Variants in IGF1R observed in about 807,000 individuals in gnomAD.
The protein encoded by IGF1R is insulin-like growth factor 1 receptor.
Under a neutral mutation model 144.6 loss-of-function variants are expected in IGF1R, and 44 were observed. The ratio of observed to expected loss-of-function variants is 0.30; its 90% CI spans 0.24 to 0.39. The LOEUF (loss-of-function observed/expected upper bound fraction) is 0.39. IGF1R is among the 10% of genes least tolerant of loss of function. The probability of loss-of-function intolerance (pLI) is 1.00; values close to 1 mark genes in which losing one functional copy is unlikely to be tolerated. For missense variants in IGF1R, 1,355 were observed against 1,833.7 expected (o/e 0.74, Z 4.77); for synonymous variants, 795 against 722.8 (o/e 1.10, Z -1.60).
At chr15:98,772,705 T>A (rs981179421) in intron 2 of IGF1R, among the ~76,000 whole-genome samples, 1 of 151,564 alleles carries the variant, frequency 6.6e-6, no homozygotes, top group African/African-American at 2.4e-5. Context: ...GAGGTGAGAT[T>A]ATAGGCACTA....
chr15:98,913,662 G>A (rs1169464954), intron 8 of IGF1R, among the ~76,000 whole-genome samples: 1 of 152,186 alleles, frequency 6.6e-6, no homozygotes, highest in Non-Finnish European at 1.5e-5. Context: ...AATTCATGTA[G>A]CTCACTGGTT....
intron 2 of IGF1R, among the ~76,000 whole-genome samples, chr15:98,805,611 G>C (rs2056454474): frequency 6.6e-6 from 1 of 152,166 alleles, no homozygotes. Flanking sequence ...TGCCCCTTGG[G>C]TGGCAGTCTG....
chr15:98,908,588 G>A lies in IGF1R; in HGVS notation c.1248-97G>A, dbSNP rs959122533. ...TTATTGGCAAAGGAAATGTATTGTG[G>A]AGCAGGTGGCAAAGAGGACCTGTGT... On this transcript the variant is annotated intron_variant, in intron 5 of 20. Coordinates refer to ENST00000650285, the MANE Select transcript of IGF1R (RefSeq NM_000875.5). The A allele has an allele frequency of 6.3e-6, 5 of 796,846 alleles. No homozygotes were observed. In the African/African-American group the frequency reaches 8.5e-5, roughly 14 times the overall value. The allele number at this position is 796,846 out of a possible 1,614,324, so 49.4% of individuals were successfully genotyped here. A position where few individuals can be genotyped will look rare whatever the true frequency, so the allele number is the denominator to read the frequency against.
intron 8 of IGF1R, among the ~76,000 whole-genome samples, chr15:98,914,908 C>T (rs1012062186): frequency 1.3e-5 from 2 of 152,182 alleles, no homozygotes; most frequent in Non-Finnish European, 2.9e-5. Flanking sequence ...GGCTGAGCAT[C>T]AAGTGGTTGT....
At position 98,663,020 on chromosome 15, in the gene IGF1R, T is replaced by C. The variant is rs575191140; in HGVS notation, c.94+13345T>C. Among the ~76,000 whole-genome samples, 45 of 152,142 alleles carry C rather than the reference T, an allele frequency of 3.0e-4. 1 individual carries two copies. Among genetic ancestry groups the C allele is most frequent in the African/African-American group, 9.6e-4 (40 of 41,500 alleles). ...GATGGAGTCAGGATTGGGGGACAGA[T>C]AGACACCCCGGTGTGAGCCAGTGAT... On this transcript the variant is annotated intron_variant, in intron 1 of 20. Coordinates refer to ENST00000650285, the MANE Select transcript of IGF1R (RefSeq NM_000875.5).
At chr15:98,741,825 TCC>T (rs1567105513) in intron 2 of IGF1R, among the ~76,000 whole-genome samples, 31 of 152,250 alleles carry the variant, frequency 2.0e-4, no homozygotes, top group Admixed American at 4.6e-4. Flanking sequence ...TTTCTCCTCC[TCC>T]ATGGGGATTT....
intron 2 of IGF1R, among the ~76,000 whole-genome samples, chr15:98,721,052 G>C (rs1363724506): frequency 6.6e-6 from 1 of 152,096 alleles, no homozygotes; most frequent in Non-Finnish European, 1.5e-5. Flanking sequence ...TGTATTTTTT[G>C]GTTTTCGGCA....
intron 1 of IGF1R, among the ~76,000 whole-genome samples, chr15:98,650,682 C>T (rs2052339126): frequency 6.6e-6 from 1 of 152,244 alleles, no homozygotes; most frequent in African/African-American, 2.4e-5. Flanking sequence ...GCTGTGGTTT[C>T]AGCGCCAGGG....
chr15:98,679,147 C>T (rs1355799160), intron 1 of IGF1R, among the ~76,000 whole-genome samples: 7 of 151,980 alleles, frequency 4.6e-5, no homozygotes, highest in Admixed American at 6.6e-5. Flanking sequence ...ATCAAGCGAC[C>T]CTCCTCCCTT....
rs1196955430 is a variant in IGF1R, at chr15:98,959,536, T to G, written c.*2094T>G. On this transcript the variant is annotated 3_prime_UTR_variant, in exon 21 of 21. Coordinates refer to ENST00000650285, the MANE Select transcript of IGF1R (RefSeq NM_000875.5). The stretch of plus-strand genomic sequence containing the variant: ...GGTGGAGGCAGCACAGACGCCACGG[T>G]GGCCCAAGAGCCCCTTTGCTTCTTG... 8.6e-6 allele frequency: 2 copies of G among 233,626 alleles called. No homozygotes were observed. Among genetic ancestry groups the G allele is most frequent in the Non-Finnish European group, 1.7e-5 (2 of 118,040 alleles). The allele number at this position is 233,626 out of a possible 1,614,324, so 14.5% of individuals were successfully genotyped here. A position where few individuals can be genotyped will look rare whatever the true frequency, so the allele number is the denominator to read the frequency against.
intron 2 of IGF1R, among the ~76,000 whole-genome samples, chr15:98,842,063 A>G (rs1188970831): frequency 1.3e-5 from 2 of 152,202 alleles, no homozygotes; most frequent in African/African-American, 4.8e-5. Flanking sequence ...CAGGAATAAC[A>G]TTTTGACTAG....
intron 2 of IGF1R, among the ~76,000 whole-genome samples, chr15:98,800,928 A>C (rs1157424045): frequency 6.6e-6 from 1 of 152,184 alleles, no homozygotes; most frequent in East Asian, 1.9e-4. Flanking sequence ...GATATTGTTC[A>C]TTTTTGGCAA....
At chr15:98,748,088 C>T (rs1016840679) in intron 2 of IGF1R, among the ~76,000 whole-genome samples, 1 of 152,152 alleles carries the variant, frequency 6.6e-6, no homozygotes, top group African/African-American at 2.4e-5. Context: ...TTTCTTATTT[C>T]TATCAGAGAA....
chr15:98,907,221 A>G (rs1295716318), intron 5 of IGF1R, among the ~76,000 whole-genome samples: 3 of 152,220 alleles, frequency 2.0e-5, no homozygotes, highest in Admixed American at 6.5e-5. Context: ...AAAATGTCAC[A>G]GGGCTGCTTG....
chr15:98,943,179 T>A, intron 19 of IGF1R, 127 bp downstream of exon 19: 2 of 1,054,668 alleles, frequency 1.9e-6, no homozygotes, highest in Non-Finnish European at 1.5e-6. Context: ...CTCAGTGTTG[T>A]GTGAGCCACA....
intron 2 of IGF1R, among the ~76,000 whole-genome samples, chr15:98,779,701 G>T (rs1339995383): frequency 6.6e-6 from 1 of 152,130 alleles, no homozygotes; most frequent in African/African-American, 2.4e-5. Context: ...CACTTGACTC[G>T]AGCCTCTCCC....
At chr15:98,916,213 C>T (rs189616610) in intron 9 of IGF1R, 82 bp downstream of exon 9, 19 of 1,305,574 alleles carry the variant, frequency 1.5e-5, no homozygotes, top group Non-Finnish European at 1.9e-5. Flanking sequence ...TAATATTACA[C>T]GTATCAGACA....
At chr15:98,658,128 TC>T (rs1333679581) in intron 1 of IGF1R, among the ~76,000 whole-genome samples, 1 of 152,210 alleles carries the variant, frequency 6.6e-6, no homozygotes, top group East Asian at 1.9e-4. Context: ...CACTGTTAGT[TC>T]CTGGTACTCC....
At position 98,707,886 on chromosome 15, in the gene IGF1R, C is replaced by A; in HGVS notation, c.419C>A (p.Ala140Asp). Residue 140 changes from alanine to aspartate, a missense_variant, in exon 2 of 21, where the codon GCC becomes GAC. By Grantham distance (126) the Ala-to-Asp change is moderately radical. This residue lies in a region of IGF1R where 75 missense variants were observed against 160.0 expected (regional missense o/e 0.47). Coordinates refer to ENST00000650285, the MANE Select transcript of IGF1R (RefSeq NM_000875.5). This position sits in a 1 kb window ranked among gnomAD's most constrained non-coding sequence, Gnocchi z 6.7. ...AACCTGAGGAACATTACTCGGGGGG[C>A]CATCAGGATTGAGAAAAATGCTGAC... The part of the protein sequence containing the change: ...LYNLRNITRG[A>D]IRIEKNADLC... 1 of 1,614,054 alleles carries A rather than the reference C, an allele frequency of 6.2e-7. No individual in the cohort carries two copies. Among genetic ancestry groups the A allele is most frequent in the Non-Finnish European group, 8.5e-7 (1 of 1,179,948 alleles).
Sources: gnomAD v4.1 joint callset for allele counts (sites outside exome capture counted in the v4.1 genomes callset) on GRCh38, gnomAD v4.1.1 for gene constraint, gnomAD v4.1.1 regional missense constraint, Gnocchi (gnomAD v3.1) non-coding constraint, MANE v1.5 for transcripts, NCBI Gene and HGNC (gene_info 2026-07-23, HGNC 2026-07-21) for gene names.